The following NPFFR2 variants were observed in gnomAD, a reference collection of about 807,000 sequenced individuals.
NPFFR2 encodes neuropeptide FF receptor 2, also known as G-protein coupled receptor 74.
A neutral mutation model predicts 13.1 loss-of-function variants in NPFFR2; 15 were observed. That is an observed-to-expected ratio of 1.15 (90% CI 0.77 to 1.76). The LOEUF (loss-of-function observed/expected upper bound fraction) is 1.76, where lower values mean the gene tolerates loss of function less well. Ranked by LOEUF, NPFFR2 falls within the 40% of genes most tolerant of loss-of-function variation. The pLI is 0.00. For synonymous variants in NPFFR2, 190 were observed against 175.7 expected (o/e 1.08, Z -0.65); for missense variants, 572 against 503.5 (o/e 1.14, Z -1.30).
intron 3 of NPFFR2, among the ~76,000 whole-genome samples, chr4:72,140,968 A>G (rs982962975): frequency 1.3e-5 from 2 of 151,832 alleles, no homozygotes; most frequent in African/African-American, 2.4e-5. Context: ...CAGAGATTCA[A>G]CTTCTTGGTT....
intron 1 of NPFFR2, among the ~76,000 whole-genome samples, chr4:72,086,475 TAGCA>T (rs1720775041): frequency 6.6e-6 from 1 of 152,048 alleles, no homozygotes; most frequent in Non-Finnish European, 1.5e-5. Flanking sequence ...GAATGTAAGC[TAGCA>T]AACTGACAAT....
chr4:72,139,946 G>T (rs975942718), intron 3 of NPFFR2, among the ~76,000 whole-genome samples: 1 of 152,152 alleles, frequency 6.6e-6, no homozygotes, highest in Non-Finnish European at 1.5e-5. Context: ...GCAGTGGTTT[G>T]TAGTTCTCCT....
chr4:72,111,536 G>C (rs527678322), intron 1 of NPFFR2, among the ~76,000 whole-genome samples: 2 of 152,078 alleles, frequency 1.3e-5, no homozygotes, highest in South Asian at 4.2e-4. Flanking sequence ...TCTGTTAATG[G>C]GGAAGCTAAT....
At chr4:72,119,784 C>T (rs1171454808) in intron 1 of NPFFR2, among the ~76,000 whole-genome samples, 1 of 152,222 alleles carries the variant, frequency 6.6e-6, no homozygotes, top group Non-Finnish European at 1.5e-5. Context: ...TTGCAACCTG[C>T]AGACCAGGAG....
At position 72,147,417 on chromosome 4, in the gene NPFFR2, C is replaced by T. The variant is rs1386035678; in HGVS notation, c.868C>T (p.Leu290=). ...ALLFILSWLP[L]WTLMMLSDYA... ...GCTTTTTATTCTCTCATGGCTGCCC[C>T]TGTGGACTCTAATGATGCTCTCAGA... The change falls in exon 4 of 4, where the codon CTG becomes TTG. Residue 290 remains leucine (L), a synonymous_variant. Transcript: ENST00000308744. 14 of 1,614,158 alleles carry T rather than the reference C, an allele frequency of 8.7e-6. No homozygotes were observed. The Middle Eastern group carries it at 4.9e-4, about 57-fold the overall frequency.
intron 2 of NPFFR2, among the ~76,000 whole-genome samples, chr4:72,130,783 AAGC>A (rs1465358890): frequency 6.6e-6 from 1 of 152,204 alleles, no homozygotes; most frequent in East Asian, 1.9e-4. Flanking sequence ...GAGCCCCAGA[AAGC>A]AGACAGCTAA....
chr4:72,081,169 G>A (rs1720606743), intron 1 of NPFFR2, among the ~76,000 whole-genome samples: 1 of 152,110 alleles, frequency 6.6e-6, no homozygotes, highest in Non-Finnish European at 1.5e-5. Context: ...ACAGGAACGG[G>A]CAAAGTATCT....
At chr4:72,057,381 G>C (rs1449691439) in intron 1 of NPFFR2, among the ~76,000 whole-genome samples, 1 of 151,948 alleles carries the variant, frequency 6.6e-6, no homozygotes, top group African/African-American at 2.4e-5. Flanking sequence ...GGGGTAGGAA[G>C]GACCAAGTTG....
chr4:72,054,655 A>G (rs1016962788), intron 1 of NPFFR2, among the ~76,000 whole-genome samples: 1 of 151,824 alleles, frequency 6.6e-6, no homozygotes, highest in Non-Finnish European at 1.5e-5. Flanking sequence ...TAAAGAAACA[A>G]TTTTTTTGCT....
intron 2 of NPFFR2, among the ~76,000 whole-genome samples, chr4:72,136,490 C>CTTA: frequency 6.6e-6 from 1 of 152,190 alleles, no homozygotes; most frequent in Non-Finnish European, 1.5e-5. Flanking sequence ...GGAAGTTCTG[C>CTTA]ATGCCTGGAG....
At chr4:72,035,010 T>C (rs1019468163) in intron 1 of NPFFR2, among the ~76,000 whole-genome samples, 3 of 152,260 alleles carry the variant, frequency 2.0e-5, no homozygotes, top group African/African-American at 7.2e-5. Flanking sequence ...CTTCTCTATG[T>C]CTAAGATTCC....
chr4:72,104,456 G>A lies in NPFFR2; in HGVS notation c.-7-24129G>A, dbSNP rs150278691. On this transcript the variant is annotated intron_variant, in intron 1 of 3. Coordinates refer to ENST00000308744, the MANE Select transcript of NPFFR2 (RefSeq NM_004885.3). ...TATAGTGAACTTCCTGGTTGAGAAC[G>A]TGAAATGTTTTTGTACATTTCTGAA... is the stretch of plus-strand genomic sequence containing the variant. 4.6e-3 allele frequency among the ~76,000 whole-genome samples: 694 copies of A among 152,044 alleles called. 3 individuals are homozygous for A. Among genetic ancestry groups the A allele is most frequent in the African/African-American group, 0.016 (664 of 41,488 alleles).
At chr4:72,048,329 G>C (rs567173914) in intron 1 of NPFFR2, among the ~76,000 whole-genome samples, 5 of 152,058 alleles carry the variant, frequency 3.3e-5, no homozygotes, top group African/African-American at 1.2e-4. Flanking sequence ...CTAGAAGGGG[G>C]TAATTTGGGT....
chr4:72,086,527 A>T (rs1035166796), intron 1 of NPFFR2, among the ~76,000 whole-genome samples: 2 of 152,138 alleles, frequency 1.3e-5, no homozygotes, highest in African/African-American at 4.8e-5. Context: ...GTCTTGTGAA[A>T]ATTTAGTTAT....
chr4:72,058,264 A>G (rs4263363), intron 1 of NPFFR2, among the ~76,000 whole-genome samples: 41,042 of 151,818 alleles, frequency 0.27, 5,868 homozygotes, highest in Middle Eastern at 0.36. Flanking sequence ...AGAAAATACT[A>G]TGTATATACA....
At chr4:72,087,027 C>A (rs28375947) in intron 1 of NPFFR2, among the ~76,000 whole-genome samples, 3,965 of 152,078 alleles carry the variant, frequency 0.026, 142 homozygotes, top group African/African-American at 0.079. Context: ...AAAATAAAGC[C>A]TTTATTTTCA....
chr4:72,062,204 C>T (rs1378182885), intron 1 of NPFFR2, among the ~76,000 whole-genome samples: 1 of 151,880 alleles, frequency 6.6e-6, no homozygotes, highest in Non-Finnish European at 1.5e-5. Context: ...ATTGCTTTTA[C>T]ATAAAGGACA....
At chr4:72,134,945 A>T (rs546144107) in intron 2 of NPFFR2, among the ~76,000 whole-genome samples, 1 of 151,896 alleles carries the variant, frequency 6.6e-6, no homozygotes, top group African/African-American at 2.4e-5. Flanking sequence ...TTCCTTTCTG[A>T]GAAATGGTTT....
chr4:72,063,064 T>G (rs771723237), intron 1 of NPFFR2, among the ~76,000 whole-genome samples: 1 of 152,230 alleles, frequency 6.6e-6, no homozygotes, highest in Non-Finnish European at 1.5e-5. Flanking sequence ...AGTAAGTATA[T>G]TTAAATTCAA....
Sources: gnomAD v4.1 joint callset for allele counts (sites outside exome capture counted in the v4.1 genomes callset) on GRCh38, gnomAD v4.1.1 for gene constraint, MANE v1.5 for transcripts, NCBI Gene and HGNC (gene_info 2026-07-23, HGNC 2026-07-21) for gene names.